Variants in SARNP observed in about 807,000 individuals in gnomAD.
SARNP encodes SAP domain-containing ribonucleoprotein.
Under a neutral mutation model 38.1 loss-of-function variants are expected in SARNP, and 5 were observed. The ratio of observed to expected loss-of-function variants is 0.13; its 90% CI spans 0.07 to 0.28. The LOEUF (loss-of-function observed/expected upper bound fraction) is 0.28. SARNP is among the 10% of genes least tolerant of loss of function. The pLI is 1.00. For missense variants in SARNP, 180 were observed against 243.9 expected (o/e 0.74, Z 1.75); for synonymous variants, 84 against 80.6 (o/e 1.04, Z -0.23).
intron 1 of SARNP, among the ~76,000 whole-genome samples, chr12:55,804,722 T>C (rs1184268735): frequency 2.0e-5 from 3 of 152,138 alleles, no homozygotes; most frequent in African/African-American, 4.8e-5. Context: ...CACAACGACA[T>C]GCTGACCCAG....
chr12:55,817,584 A>AAAG (rs1880534826), intron 1 of SARNP, 82 bp downstream of exon 1: 1 of 1,321,848 alleles, frequency 7.6e-7, no homozygotes, highest in Non-Finnish European at 1.1e-6. Context: ...TGCACGGAGA[A>AAAG]GACGTAGGAG....
At chr12:55,772,183 A>G (rs562043245) in intron 9 of SARNP, among the ~76,000 whole-genome samples, 1 of 152,266 alleles carries the variant, frequency 6.6e-6, no homozygotes, top group East Asian at 1.9e-4. Flanking sequence ...AGCAAATAAT[A>G]TGGTAGAGAC....
At chr12:55,771,625 C>CTT (rs1879010370) in intron 9 of SARNP, among the ~76,000 whole-genome samples, 1 of 152,118 alleles carries the variant, frequency 6.6e-6, no homozygotes, top group Non-Finnish European at 1.5e-5. Context: ...CCTCAAAAGT[C>CTT]TTTTCCCTAG....
intron 9 of SARNP, among the ~76,000 whole-genome samples, chr12:55,785,619 T>A (rs1471094296): frequency 6.6e-6 from 1 of 151,746 alleles, no homozygotes; most frequent in Non-Finnish European, 1.5e-5. Flanking sequence ...CTACTAAAAA[T>A]GCAAAATTAG....
intron 8 of SARNP, among the ~76,000 whole-genome samples, chr12:55,789,480 CATTA>C (rs1879599609): frequency 3.3e-5 from 5 of 152,302 alleles, no homozygotes; most frequent in Admixed American, 3.3e-4. Flanking sequence ...AATCCAAAAT[CATTA>C]ATTCTCATGT....
chr12:55,788,847 G>C (rs550430094), intron 9 of SARNP, among the ~76,000 whole-genome samples: 1 of 152,250 alleles, frequency 6.6e-6, no homozygotes, highest in East Asian at 1.9e-4. Context: ...CGCTCTAGCA[G>C]CCTGGGTGAA....
At chr12:55,800,293 A>G (rs1180820841) in intron 4 of SARNP, among the ~76,000 whole-genome samples, 1 of 152,182 alleles carries the variant, frequency 6.6e-6, no homozygotes, top group Non-Finnish European at 1.5e-5. Context: ...TGACCCTACA[A>G]AAGAACAACA....
intron 9 of SARNP, among the ~76,000 whole-genome samples, chr12:55,776,811 C>A (rs1257860984): frequency 2.0e-5 from 3 of 152,010 alleles, no homozygotes; most frequent in Admixed American, 6.6e-5. Context: ...GTGGTACTTT[C>A]AAAAGAAAAA....
chr12:55,761,418 T>C (rs1196790503), intron 9 of SARNP: 1 of 152,182 alleles, frequency 6.6e-6, no homozygotes, highest in East Asian at 1.9e-4. Flanking sequence ...ACTTATTTGC[T>C]TGAAACACCC....
At chr12:55,790,490 TG>T in intron 8 of SARNP, 76 bp downstream of exon 8, 3 of 1,428,710 alleles carry the variant, frequency 2.1e-6, no homozygotes, top group South Asian at 1.4e-5. Context: ...TCCTCTAATC[TG>T]GGGAGGAGGA....
intron 9 of SARNP, among the ~76,000 whole-genome samples, chr12:55,773,795 T>A (rs1202389087): frequency 1.1e-4 from 17 of 151,784 alleles, no homozygotes; most frequent in Non-Finnish European, 2.9e-5. Flanking sequence ...ACTGCAACCC[T>A]CCACCTCCCA....
intron 9 of SARNP, among the ~76,000 whole-genome samples, chr12:55,772,726 T>TC (rs1486861085): frequency 6.6e-6 from 1 of 151,330 alleles, no homozygotes; most frequent in Non-Finnish European, 1.5e-5. Context: ...TTTTTTTTTT[T>TC]TTTTTGAGAC....
chr12:55,776,111 C>T (rs1879173506), intron 9 of SARNP, among the ~76,000 whole-genome samples: 1 of 152,086 alleles, frequency 6.6e-6, no homozygotes, highest in African/African-American at 2.4e-5. Flanking sequence ...TGCCTCCACC[C>T]GCAGATACCA....
chr12:55,790,168 AT>A (rs1256717787), intron 8 of SARNP, among the ~76,000 whole-genome samples: 1 of 150,332 alleles, frequency 6.7e-6, no homozygotes, highest in Admixed American at 6.7e-5. Context: ...CACGGATAGT[AT>A]TTTAAAAAAA....
intron 1 of SARNP, among the ~76,000 whole-genome samples, chr12:55,815,336 C>A (rs1021875767): frequency 6.6e-6 from 1 of 152,114 alleles, no homozygotes; most frequent in Non-Finnish European, 1.5e-5. Flanking sequence ...GTCACTGCAC[C>A]CAGCCAAGAT....
At chr12:55,766,762 A>G (rs1295011620) in intron 9 of SARNP, among the ~76,000 whole-genome samples, 1 of 152,042 alleles carries the variant, frequency 6.6e-6, no homozygotes, top group Non-Finnish European at 1.5e-5. Context: ...AGCTGGGACC[A>G]CAGGCGCAAG....
intron 1 of SARNP, among the ~76,000 whole-genome samples, chr12:55,804,445 T>A (rs760073770): frequency 9.3e-5 from 14 of 150,106 alleles, no homozygotes; most frequent in Non-Finnish European, 2.1e-4. Flanking sequence ...TCTTCAGGAC[T>A]AATAATAAGC....
At chr12:55,799,049 ACAGT>A (rs895956225) in intron 4 of SARNP, among the ~76,000 whole-genome samples, 3 of 152,350 alleles carry the variant, frequency 2.0e-5, no homozygotes, top group South Asian at 2.1e-4. Context: ...TCAAGTGTGC[ACAGT>A]GTGTGTATAC....
At chr12:55,775,632 A>T (rs1237109207) in intron 9 of SARNP, among the ~76,000 whole-genome samples, 5 of 152,030 alleles carry the variant, frequency 3.3e-5, no homozygotes, top group Non-Finnish European at 2.9e-5. Flanking sequence ...TCTAGATCTT[A>T]ACAAGGGACT....
Sources: gnomAD v4.1 joint callset for allele counts (sites outside exome capture counted in the v4.1 genomes callset) on GRCh38, gnomAD v4.1.1 for gene constraint, MANE v1.5 for transcripts, NCBI Gene and HGNC (gene_info 2026-07-23, HGNC 2026-07-21) for gene names.